Variants in MAGI2 observed in about 807,000 individuals in gnomAD.
MAGI2 encodes the protein membrane associated guanylate kinase, WW and PDZ domain containing 2.
In MAGI2, 35 loss-of-function variants were observed where a neutral mutation model predicts 133.3. The ratio of observed to expected loss-of-function variants is 0.26; its 90% CI spans 0.20 to 0.35. MAGI2 has a LOEUF of 0.35. MAGI2 is among the 10% of genes least tolerant of loss of function. The pLI, the probability that MAGI2 is intolerant of heterozygous loss-of-function variation, is 1.00. For missense variants in MAGI2, 1,636 were observed against 1,863.4 expected, an observed-to-expected ratio of 0.88 and a Z score of 2.25; for synonymous variants, 729 against 710.6, an observed-to-expected ratio of 1.03 and a Z score of -0.41.
chr7:78,723,657 T>C (rs934960558), intron 2 of MAGI2, among the ~76,000 whole-genome samples: 21 of 150,080 alleles, frequency 1.4e-4, no homozygotes, highest in Admixed American at 1.1e-3. Context: ...GTGGCCTAGA[T>C]TGGCTAACAA....
intron 1 of MAGI2, among the ~76,000 whole-genome samples, chr7:79,135,839 G>A (rs1361588397): frequency 6.6e-6 from 1 of 151,482 alleles, no homozygotes; most frequent in Non-Finnish European, 1.5e-5. Flanking sequence ...TCCTTGGGAG[G>A]CTGAGGCAGG....
At chr7:78,035,556 T>C (rs560452763) in intron 21 of MAGI2, among the ~76,000 whole-genome samples, 1 of 152,256 alleles carries the variant, frequency 6.6e-6, no homozygotes, top group South Asian at 2.1e-4. Flanking sequence ...TCCCTCAGTG[T>C]TTTTTCAGAA....
At chr7:78,585,312 A>G (rs1373610017) in intron 3 of MAGI2, among the ~76,000 whole-genome samples, 1 of 152,160 alleles carries the variant, frequency 6.6e-6, no homozygotes, top group Non-Finnish European at 1.5e-5. Flanking sequence ...TTTGGTACTC[A>G]TCTTACAAGG....
At chr7:79,321,494 G>A (rs1318856723) in intron 1 of MAGI2, among the ~76,000 whole-genome samples, 1 of 152,128 alleles carries the variant, frequency 6.6e-6, no homozygotes, top group Non-Finnish European at 1.5e-5. Context: ...AGAACACGTT[G>A]GAAAGTAGTG....
chr7:79,248,916 T>C (rs1833016548), intron 1 of MAGI2, among the ~76,000 whole-genome samples: 1 of 152,086 alleles, frequency 6.6e-6, no homozygotes, highest in African/African-American at 2.4e-5. Flanking sequence ...CAGGCTGGAG[T>C]GCAATGGCAC....
chr7:78,804,867 A>C (rs1788431087), intron 2 of MAGI2, among the ~76,000 whole-genome samples: 1 of 151,950 alleles, frequency 6.6e-6, no homozygotes, highest in Admixed American at 6.6e-5. Context: ...CAGGAGTTCG[A>C]AACCAGTCTG....
intron 13 of MAGI2, among the ~76,000 whole-genome samples, chr7:78,178,968 T>A (rs1230205745): frequency 6.6e-6 from 1 of 152,222 alleles, no homozygotes; most frequent in East Asian, 1.9e-4. Flanking sequence ...AACTATTAAA[T>A]ATAAAAAGTT....
intron 1 of MAGI2, among the ~76,000 whole-genome samples, chr7:79,156,194 A>G (rs1007642014): frequency 4.6e-5 from 7 of 152,174 alleles, no homozygotes; most frequent in African/African-American, 1.7e-4. Flanking sequence ...TTGCTTTCCA[A>G]TCTGATTCTG....
intron 2 of MAGI2, among the ~76,000 whole-genome samples, chr7:78,787,237 C>T (rs10239396): frequency 0.53 from 80,534 of 152,042 alleles, 22,377 homozygotes; most frequent in East Asian, 0.69. Context: ...TGAGCCATTG[C>T]GCCTGGCCTC....
intron 13 of MAGI2, among the ~76,000 whole-genome samples, chr7:78,184,900 A>G (rs977157550): frequency 2.6e-5 from 4 of 152,198 alleles, no homozygotes; most frequent in Non-Finnish European, 5.9e-5. Context: ...TTAAGTTGAT[A>G]TAGATATTTA....
chr7:79,344,470 T>G (rs1841155355), intron 1 of MAGI2, among the ~76,000 whole-genome samples: 1 of 152,050 alleles, frequency 6.6e-6, no homozygotes, highest in Non-Finnish European at 1.5e-5. Context: ...GAATAACTTG[T>G]GAATTGTGAT....
chr7:78,363,490 C>G (rs1793051471), intron 7 of MAGI2, among the ~76,000 whole-genome samples: 1 of 99,320 alleles, frequency 1.0e-5, no homozygotes. Flanking sequence ...AAGACTCCAT[C>G]TCGAAAATAA....
At chr7:78,984,428 C>G (rs1402696468) in intron 2 of MAGI2, among the ~76,000 whole-genome samples, 4 of 151,916 alleles carry the variant, frequency 2.6e-5, no homozygotes, top group African/African-American at 9.7e-5. Context: ...CCCTCCCTCA[C>G]CCTTCCTTTA....
At chr7:78,774,150 T>C (rs113908455) in intron 2 of MAGI2, among the ~76,000 whole-genome samples, 44 of 152,286 alleles carry the variant, frequency 2.9e-4, no homozygotes, top group African/African-American at 9.6e-4. Context: ...AGGCCACCTC[T>C]AAATTACTTG....
intron 6 of MAGI2, among the ~76,000 whole-genome samples, chr7:78,444,732 C>T (rs2151467398): frequency 6.7e-6 from 1 of 149,552 alleles, no homozygotes; most frequent in African/African-American, 2.4e-5. Flanking sequence ...GTTCTGTTTT[C>T]CCGGCTCTCC....
In MAGI2 at chr7:78,388,910, T is replaced by C. The variant is rs919521120; in HGVS notation, c.1046-19697A>G. 1.1e-4 allele frequency among the ~76,000 whole-genome samples: 17 copies of C among 152,266 alleles called. No homozygotes were observed. The East Asian group carries it at 2.9e-3, about 26-fold the overall frequency. ...ATAACAACTATAATTAAGATAATAG[T>C]GATATTTTCATTAGAACATTCTCCT... On this transcript the variant is annotated intron_variant, in intron 6 of 21. Transcript: ENST00000354212.
chr7:78,187,021 C>A (rs1283963338), intron 12 of MAGI2, among the ~76,000 whole-genome samples: 1 of 152,106 alleles, frequency 6.6e-6, no homozygotes, highest in Non-Finnish European at 1.5e-5. Flanking sequence ...TTAAGATATG[C>A]TGAGTTACTT....
chr7:79,085,367 G>A (rs1816395687), intron 1 of MAGI2, among the ~76,000 whole-genome samples: 1 of 151,462 alleles, frequency 6.6e-6, no homozygotes, highest in East Asian at 1.9e-4. Flanking sequence ...TCTTCTGTTT[G>A]TCAAGACATT....
At position 78,501,605 on chromosome 7, in the gene MAGI2, T is replaced by C; in HGVS notation, c.937A>G (p.Thr313Ala). Residue 313 changes from threonine to alanine, a missense_variant, in exon 5 of 22, where the codon ACA becomes GCA. By Grantham distance (58) the Thr-to-Ala change is moderately conservative (BLOSUM62 0). Coordinates refer to ENST00000354212, the MANE Select transcript of MAGI2 (RefSeq NM_012301.4). ...ATGAAGTAGACTTCGCCCTTCTCTG[T>C]ATAGGCCATTTCCCAGTTATCAGGC... is the stretch of plus-strand genomic sequence containing the variant. ...PLPDNWEMAY[T>A]EKGEVYFIDH... The C allele has an allele frequency of 2.5e-6, 4 of 1,614,126 alleles. No homozygotes were observed. Among genetic ancestry groups the C allele is most frequent in the Non-Finnish European group, 3.4e-6 (4 of 1,180,024 alleles).
Sources: allele counts gnomAD v4.1 joint callset (sites outside exome capture counted in the v4.1 genomes callset), GRCh38; gene constraint gnomAD v4.1.1; transcripts MANE v1.5; gene names NCBI Gene and HGNC (gene_info 2026-07-23, HGNC 2026-07-21).